Variants in AUTS2 observed in about 807,000 individuals in gnomAD.
AUTS2 encodes the protein autism susceptibility gene 2 protein.
A neutral mutation model predicts 112.4 loss-of-function variants in AUTS2; 17 were observed. That is an observed-to-expected ratio of 0.15 (90% CI 0.10 to 0.23). The LOEUF (loss-of-function observed/expected upper bound fraction) is 0.23, where lower values mean the gene tolerates loss of function less well. Among genes scored for constraint, AUTS2 ranks in the 10% least tolerant of loss-of-function variants. AUTS2 has a pLI of 1.00. For missense variants in AUTS2, 1,510 were observed against 1,701.6 expected (o/e 0.89, Z 1.98); for synonymous variants, 751 against 702.7 (o/e 1.07, Z -1.09).
intron 4 of AUTS2, among the ~76,000 whole-genome samples, chr7:70,364,288 G>T (rs2129628068): frequency 6.6e-6 from 1 of 152,176 alleles, no homozygotes; most frequent in Admixed American, 6.5e-5. Context: ...ATTAGGCCGG[G>T]CGCAGTGGCT....
intron 2 of AUTS2, among the ~76,000 whole-genome samples, chr7:70,067,852 TAAA>T (rs543724371): frequency 6.1e-5 from 8 of 130,894 alleles, no homozygotes; most frequent in African/African-American, 2.3e-4. Context: ...AGCACCTGTC[TAAA>T]AAAAAAAAAA....
intron 4 of AUTS2, among the ~76,000 whole-genome samples, chr7:70,217,873 A>G (rs1216457094): frequency 3.9e-5 from 6 of 152,192 alleles, no homozygotes; most frequent in Non-Finnish European, 1.5e-5. Context: ...GATTTTTTGT[A>G]AGAGGTTGGT....
At chr7:70,692,064 C>G (rs529010731) in intron 5 of AUTS2, among the ~76,000 whole-genome samples, 1 of 151,940 alleles carries the variant, frequency 6.6e-6, no homozygotes, top group South Asian at 2.1e-4. Flanking sequence ...GACGGGGTTT[C>G]GCCATGTTAG....
chr7:70,038,009 A>G (rs912048847), intron 2 of AUTS2, among the ~76,000 whole-genome samples: 3 of 129,314 alleles, frequency 2.3e-5, no homozygotes, highest in Non-Finnish European at 4.7e-5. Flanking sequence ...GAGCCAAGTG[A>G]AAGAGTAGTG....
chr7:70,568,864 G>T (rs1801819846), intron 5 of AUTS2, among the ~76,000 whole-genome samples: 1 of 152,202 alleles, frequency 6.6e-6, no homozygotes, highest in South Asian at 2.1e-4. Context: ...TTCACCCTCT[G>T]ACATGACCTC....
intron 4 of AUTS2, among the ~76,000 whole-genome samples, chr7:70,388,836 A>G (rs1793726515): frequency 6.6e-6 from 1 of 152,216 alleles, no homozygotes; most frequent in South Asian, 2.1e-4. Context: ...TTGAAGAACT[A>G]TCATGTCAAA....
At position 70,741,079 on chromosome 7, in the gene AUTS2, G is replaced by A. The variant is rs1025025442; in HGVS notation, c.743-21791G>A. Among the ~76,000 whole-genome samples the A allele has an allele frequency of 4.0e-5, 6 of 150,966 alleles. No individual in the cohort carries two copies. In the East Asian group the frequency reaches 1.2e-3, roughly 30 times the overall value. On this transcript the variant is annotated intron_variant, in intron 6 of 18. Transcript: ENST00000342771. ...ACCACACTCCAGCCTGGGTGACAGA[G>A]CGAGACCCTGTCTCAAAAATTAAAA...
intron 2 of AUTS2, among the ~76,000 whole-genome samples, chr7:70,032,833 C>T (rs1162999764): frequency 6.6e-6 from 1 of 151,622 alleles, no homozygotes; most frequent in Non-Finnish European, 1.5e-5. Flanking sequence ...CTGGTCACTC[C>T]AGGAGAAGTC....
chr7:70,470,771 G>A (rs894501410), intron 5 of AUTS2, among the ~76,000 whole-genome samples: 1 of 152,160 alleles, frequency 6.6e-6, no homozygotes, highest in African/African-American at 2.4e-5. Flanking sequence ...CCCACCGGGA[G>A]CAGCAGCATC....
intron 4 of AUTS2, among the ~76,000 whole-genome samples, chr7:70,197,081 T>C (rs1810213850): frequency 6.6e-6 from 1 of 152,188 alleles, no homozygotes; most frequent in South Asian, 2.1e-4. Context: ...TACATTCTCT[T>C]ATATACATTT....
chr7:69,914,184 A>G (rs1795469100), intron 2 of AUTS2, among the ~76,000 whole-genome samples: 1 of 152,092 alleles, frequency 6.6e-6, no homozygotes, highest in Admixed American at 6.6e-5. Flanking sequence ...CCTCCACCAC[A>G]GTGTTTGTAG....
At chr7:70,180,228 A>G (rs1198124413) in intron 4 of AUTS2, among the ~76,000 whole-genome samples, 1 of 152,208 alleles carries the variant, frequency 6.6e-6, no homozygotes, top group Non-Finnish European at 1.5e-5. Context: ...TGAAAGGTTG[A>G]TGTGTGTTTT....
At chr7:70,671,205 AAAC>A (rs1807622564) in intron 5 of AUTS2, among the ~76,000 whole-genome samples, 1 of 145,828 alleles carries the variant, frequency 6.9e-6, no homozygotes, top group Admixed American at 6.7e-5. Flanking sequence ...AAACAAAAAC[AAAC>A]AACAAAAACC....
chr7:70,035,841 A>G (rs529439185), intron 2 of AUTS2, among the ~76,000 whole-genome samples: 1 of 152,268 alleles, frequency 6.6e-6, no homozygotes, highest in Non-Finnish European at 1.5e-5. Context: ...TGCTCCTTCT[A>G]TTCATCCTTT....
chr7:70,598,581 A>C (rs144220713), intron 5 of AUTS2, among the ~76,000 whole-genome samples: 202 of 152,224 alleles, frequency 1.3e-3, no homozygotes, highest in African/African-American at 4.5e-3. Flanking sequence ...AGCTGTTGTA[A>C]TAGCTAGATG....
At chr7:69,715,503 G>C (rs1425587314) in intron 1 of AUTS2, among the ~76,000 whole-genome samples, 1 of 152,130 alleles carries the variant, frequency 6.6e-6, no homozygotes, top group Non-Finnish European at 1.5e-5. Context: ...GAGGAGACTT[G>C]GTTACTTGGT....
At chr7:69,823,405 TAAGGAGCCCTTGA>T (rs984803655) in intron 1 of AUTS2, among the ~76,000 whole-genome samples, 2 of 152,184 alleles carry the variant, frequency 1.3e-5, no homozygotes, top group African/African-American at 4.8e-5. Context: ...TTTGTTTAGG[TAAGGAGCCCTTGA>T]AAGGAGCCTG....
At chr7:69,907,322 A>G (rs151178081) in intron 2 of AUTS2, among the ~76,000 whole-genome samples, 16 of 152,192 alleles carry the variant, frequency 1.1e-4, no homozygotes, top group Non-Finnish European at 2.1e-4. Flanking sequence ...TTAGCTCTTC[A>G]TAAAGTTACT....
At chr7:70,563,315 G>A (rs1182680420) in intron 5 of AUTS2, among the ~76,000 whole-genome samples, 1 of 152,184 alleles carries the variant, frequency 6.6e-6, no homozygotes, top group Non-Finnish European at 1.5e-5. Flanking sequence ...TAACATGAAG[G>A]AGGTATGTGG....
Sources: gnomAD v4.1 joint callset for allele counts (sites outside exome capture counted in the v4.1 genomes callset) on GRCh38, gnomAD v4.1.1 for gene constraint, MANE v1.5 for transcripts, NCBI Gene and HGNC (gene_info 2026-07-23, HGNC 2026-07-21) for gene names.